The following PEMT variants were observed in gnomAD, a reference collection of about 807,000 sequenced individuals.
The protein encoded by PEMT is phospholipid methyltransferase.
In PEMT, 23 loss-of-function variants were observed where a neutral mutation model predicts 27.4. That is an observed-to-expected ratio of 0.84 (90% CI 0.60 to 1.19). The LOEUF is 1.19. Among genes scored for constraint, PEMT ranks in the 50% most tolerant of loss-of-function variants. The probability of loss-of-function intolerance (pLI) is 0.00; values close to 1 mark genes in which losing one functional copy is unlikely to be tolerated. For missense variants in PEMT, 307 were observed against 310.1 expected, an observed-to-expected ratio of 0.99 and a Z score of 0.07; for synonymous variants, 137 against 139.1, an observed-to-expected ratio of 0.98 and a Z score of 0.11.
At chr17:17,516,859 G>A (rs1342529016) in intron 3 of PEMT, among the ~76,000 whole-genome samples, 1 of 152,020 alleles carries the variant, frequency 6.6e-6, no homozygotes, top group East Asian at 1.9e-4. Context: ...TTACTCTCCA[G>A]CTGCCCTCAT....
chr17:17,563,761 A>C (rs1339239361), intron 2 of PEMT, among the ~76,000 whole-genome samples: 3 of 152,178 alleles, frequency 2.0e-5, no homozygotes, highest in African/African-American at 7.2e-5. Context: ...TCTTAGAGGA[A>C]AGACCAAACG....
chr17:17,546,746 C>T (rs1330004026), intron 2 of PEMT, among the ~76,000 whole-genome samples: 1 of 152,236 alleles, frequency 6.6e-6, no homozygotes, highest in Non-Finnish European at 1.5e-5. Context: ...ATTAGTAGCC[C>T]AACAGGGCTT....
chr17:17,546,095 T>C (rs1350321926), intron 2 of PEMT, among the ~76,000 whole-genome samples: 1 of 152,050 alleles, frequency 6.6e-6, no homozygotes, highest in Non-Finnish European at 1.5e-5. Flanking sequence ...AAGCAGCCTA[T>C]AAACTTGCCA....
chr17:17,570,255 C>T (rs895907027), intron 2 of PEMT, among the ~76,000 whole-genome samples: 1 of 152,206 alleles, frequency 6.6e-6, no homozygotes, highest in Admixed American at 6.5e-5. Flanking sequence ...GCAGAGCAGG[C>T]TCCGCTTCAA....
intron 3 of PEMT, among the ~76,000 whole-genome samples, chr17:17,516,681 C>T (rs1231257683): frequency 2.6e-5 from 4 of 152,176 alleles, no homozygotes; most frequent in African/African-American, 9.7e-5. Context: ...CCTCTTCCCT[C>T]CTTCCCAGCC....
chr17:17,591,370 C>CGCTCCCGCACGCG (rs1567764651), intron 1 of PEMT, 161 bp downstream of exon 1: 1 of 628,424 alleles, frequency 1.6e-6, no homozygotes, highest in African/African-American at 1.9e-5. Context: ...CACCAGCCGG[C>CGCTCCCGCACGCG]GCTCCCGCAC....
At chr17:17,520,006 G>C (rs1907144697) in intron 3 of PEMT, among the ~76,000 whole-genome samples, 1 of 152,180 alleles carries the variant, frequency 6.6e-6, no homozygotes, top group South Asian at 2.1e-4. Flanking sequence ...CATGCTCTAG[G>C]GAGCAGGAGT....
intron 5 of PEMT, 79 bp downstream of exon 5, chr17:17,509,355 G>A (rs187709477): frequency 2.3e-6 from 2 of 888,290 alleles, no homozygotes; most frequent in African/African-American, 1.7e-5. Flanking sequence ...AGGGGCCCTG[G>A]CCCCCGCGTC....
chr17:17,514,777 G>C lies in PEMT; in HGVS notation c.321-2123C>G, dbSNP rs1397417623. On this transcript the variant is annotated intron_variant, in intron 3 of 6. Coordinates refer to ENST00000255389, the MANE Select transcript of PEMT (RefSeq NM_148172.3). ...CCCTCCACTCTCCTGCCTGCAGATGGTGGAGTGGGAGGGAAAGGAAGGGTG... is the reference window on the plus strand; with the variant it reads ...CCCTCCACTCTCCTGCCTGCAGATGCTGGAGTGGGAGGGAAAGGAAGGGTG... 2.6e-5 allele frequency among the ~76,000 whole-genome samples: 4 copies of C among 152,366 alleles called. No homozygotes were observed. The East Asian group carries it at 7.7e-4, about 29-fold the overall frequency.
At position 17,505,683 on chromosome 17, in the gene PEMT, C is replaced by G. The variant is rs904469859; in HGVS notation, c.*108G>C. ...TCCAAGGCACTGGGGCAGCCCACGCCGGGGGCGAGCCCTGAGCAGCAGGCA... is the reference window on the plus strand; with the variant it reads ...TCCAAGGCACTGGGGCAGCCCACGCGGGGGGCGAGCCCTGAGCAGCAGGCA... On this transcript the variant is annotated 3_prime_UTR_variant, in exon 7 of 7. Coordinates refer to ENST00000255389, the MANE Select transcript of PEMT (RefSeq NM_148172.3). 3.0e-6 allele frequency: 4 copies of G among 1,316,706 alleles called. No individual in the cohort carries two copies. In the African/African-American group the frequency reaches 6.1e-5, roughly 20 times the overall value. The allele number at this position is 1,316,706 out of a possible 1,614,324, so 81.6% of individuals were successfully genotyped here. A position where few individuals can be genotyped will look rare whatever the true frequency, so the allele number is the denominator to read the frequency against.
At chr17:17,573,716 A>AG (rs1911369189) in intron 2 of PEMT, among the ~76,000 whole-genome samples, 1 of 152,206 alleles carries the variant, frequency 6.6e-6, no homozygotes, top group Non-Finnish European at 1.5e-5. Context: ...ATGGATACCC[A>AG]GGGACAACTG....
chr17:17,559,292 T>C (rs1467536784), intron 2 of PEMT, among the ~76,000 whole-genome samples: 2 of 152,132 alleles, frequency 1.3e-5, no homozygotes, highest in African/African-American at 4.8e-5. Context: ...GGACTTCCCA[T>C]GCAAGCCTTG....
At chr17:17,520,399 G>A (rs1382191139) in intron 3 of PEMT, among the ~76,000 whole-genome samples, 1 of 152,224 alleles carries the variant, frequency 6.6e-6, no homozygotes, top group Non-Finnish European at 1.5e-5. Context: ...CTAAGCCACT[G>A]CTGAGCTGGA....
In PEMT at chr17:17,516,975, T is replaced by C. The variant is rs70963021; in HGVS notation, c.321-4321A>G. On this transcript the variant is annotated intron_variant, in intron 3 of 6. Transcript: ENST00000255389. The stretch of plus-strand genomic sequence containing the variant: ...TCCTAATCAGCTGGCCTTGAGTTAA[T>C]CAAAAGGGAGGTGACCCTGGGTAGG... Among the ~76,000 whole-genome samples, 1,033 of 152,278 alleles carry C rather than the reference T, an allele frequency of 6.8e-3. 13 individuals are homozygous for C. Among genetic ancestry groups the C allele is most frequent in the African/African-American group, 0.024 (1,008 of 41,552 alleles).
chr17:17,554,433 T>C (rs1055175703), intron 2 of PEMT, among the ~76,000 whole-genome samples: 1 of 151,742 alleles, frequency 6.6e-6, no homozygotes, highest in African/African-American at 2.4e-5. Context: ...TACAGGAACG[T>C]GTTCGGAAGG....
intron 2 of PEMT, among the ~76,000 whole-genome samples, chr17:17,529,351 C>T (rs1003763171): frequency 6.6e-6 from 1 of 152,210 alleles, no homozygotes; most frequent in Non-Finnish European, 1.5e-5. Context: ...GGACATAGGA[C>T]CAGTGGCAGC....
At chr17:17,566,444 C>A (rs1399089181) in intron 2 of PEMT, among the ~76,000 whole-genome samples, 1 of 152,154 alleles carries the variant, frequency 6.6e-6, no homozygotes, top group East Asian at 1.9e-4. Flanking sequence ...TGCCTCAGAC[C>A]CCACCCCTAG....
At chr17:17,509,265 T>C (rs1906152824) in intron 5 of PEMT, among the ~76,000 whole-genome samples, 169 bp downstream of exon 5, 3 of 152,234 alleles carry the variant, frequency 2.0e-5, no homozygotes, top group Non-Finnish European at 2.9e-5. Context: ...TCTGTTACCA[T>C]AGATAAGACG....
At chr17:17,585,356 C>G (rs917913071) in intron 1 of PEMT, among the ~76,000 whole-genome samples, 6 of 152,012 alleles carry the variant, frequency 3.9e-5, no homozygotes, top group Admixed American at 6.6e-5. Context: ...ACAACAACAA[C>G]AAAAAGAAGT....
Sources: allele counts gnomAD v4.1 joint callset (sites outside exome capture counted in the v4.1 genomes callset), GRCh38; gene constraint gnomAD v4.1.1; transcripts MANE v1.5; gene names NCBI Gene and HGNC (gene_info 2026-07-23, HGNC 2026-07-21).